The following CDKL5 variants were observed in gnomAD, a reference collection of about 807,000 sequenced individuals.
CDKL5 encodes cyclin dependent kinase like 5, also known as cyclin-dependent kinase-like 5.
Under a neutral mutation model 61.7 loss-of-function variants are expected in CDKL5, and 8 were observed. The ratio of observed to expected loss-of-function variants is 0.13; its 90% confidence interval spans 0.08 to 0.23. The LOEUF (loss-of-function observed/expected upper bound fraction) is 0.23, where lower values mean the gene tolerates loss of function less well. Among genes scored for constraint, CDKL5 ranks in the 10% least tolerant of loss-of-function variants. The pLI is 1.00. For synonymous variants in CDKL5, 275 were observed against 272.3 expected (o/e 1.01, Z -0.10); for missense variants, 440 against 734.5 (o/e 0.60, Z 4.63).
chrX:18,556,882 CAA>C (rs67362338), intron 3 of CDKL5, among the ~76,000 whole-genome samples: 2 of 44,957 alleles, frequency 4.4e-5, no homozygotes, highest in Non-Finnish European at 7.0e-5. Flanking sequence ...GACTCCGTCT[CAA>C]AAAAAAAAAA....
intron 3 of CDKL5, among the ~76,000 whole-genome samples, chrX:18,554,534 G>T (rs750466572): frequency 8.5e-5 from 9 of 105,734 alleles, no homozygotes; most frequent in African/African-American, 3.1e-4. Flanking sequence ...TTCTGCCTCA[G>T]CCTCCCAAGT....
chrX:18,604,921 C>A, intron 12 of CDKL5, 53 bp downstream of exon 12: 1 of 1,178,671 alleles, frequency 8.5e-7, no homozygotes, highest in Non-Finnish European at 1.2e-6. Context: ...GAAGGTGGTA[C>A]GAGGGATGTG....
chrX:18,544,497 G>A (rs1483074303), intron 3 of CDKL5, among the ~76,000 whole-genome samples: 1 of 111,516 alleles, frequency 9.0e-6, no homozygotes, highest in Non-Finnish European at 1.9e-5. Flanking sequence ...TATTATATCT[G>A]ATTTTCTCCG....
intron 8 of CDKL5, among the ~76,000 whole-genome samples, chrX:18,585,566 A>G (rs937256057): frequency 2.9e-4 from 32 of 111,954 alleles, no homozygotes; most frequent in Admixed American, 3.8e-4. Flanking sequence ...TTAACTTTCA[A>G]TGCTCTTTCA....
intron 4 of CDKL5, among the ~76,000 whole-genome samples, chrX:18,573,991 C>T (rs1313741329): frequency 1.8e-5 from 2 of 111,582 alleles, no homozygotes; most frequent in East Asian, 5.7e-4. Flanking sequence ...GGAATCCATT[C>T]AGCCTTTTTC....
Position 18,587,250 on chromosome X carries a change from C to T in CDKL5, c.555-704C>T, listed in dbSNP as rs185082310. On this transcript the variant is annotated intron_variant, in intron 8 of 17. Transcript: ENST00000623535. ...AGGATACCTAGATTTTCATATACAA[C>T]CTCCATTTATTAATAACAGCAACAC... Among the ~76,000 whole-genome samples, 97 of 110,742 alleles carry T rather than the reference C, an allele frequency of 8.8e-4. 1 individual carries two copies. The highest frequency in any genetic ancestry group is 2.9e-3 in the African/African-American group (89 of 30,467).
At chrX:18,596,609 TAAATC>T (rs1396632809) in intron 10 of CDKL5, among the ~76,000 whole-genome samples, 3 of 112,313 alleles carry the variant, frequency 2.7e-5, no homozygotes, top group Non-Finnish European at 5.6e-5. Context: ...AATTATCACT[TAAATC>T]AGGTAGGTTT....
At chrX:18,591,278 G>T (rs1737332513) in intron 9 of CDKL5, among the ~76,000 whole-genome samples, 1 of 111,902 alleles carries the variant, frequency 8.9e-6, no homozygotes. Context: ...TTTCTCAAGG[G>T]CAGAAATCAA....
downstream of CDKL5, chrX:18,641,889 A>C: frequency 1.3e-6 from 1 of 765,996 alleles, no homozygotes; most frequent in South Asian, 2.1e-5. Flanking sequence ...CCAGCACTGC[A>C]GTTACAATTG....
intron 14 of CDKL5, among the ~76,000 whole-genome samples, chrX:18,610,277 C>T (rs1054534344): frequency 1.8e-5 from 2 of 112,585 alleles, no homozygotes; most frequent in African/African-American, 6.5e-5. Flanking sequence ...ACAGGCTGTG[C>T]CCTCCTCTGG....
intron 3 of CDKL5, among the ~76,000 whole-genome samples, chrX:18,560,857 C>G (rs916377163): frequency 1.8e-5 from 2 of 110,011 alleles, no homozygotes; most frequent in African/African-American, 3.4e-5. Flanking sequence ...AAGGAAAAGT[C>G]CTAACAGTAT....
At position 18,579,810 on chromosome X, in the gene CDKL5, A is replaced by G. The variant is rs371642225; in HGVS notation, c.283-38A>G. Reference sequence around the variant, plus strand: ...TTGTTAATACATAATTTACGGGCCTACCTAATTTGGGAAATAATGACTCTA... The same window carrying G: ...TTGTTAATACATAATTTACGGGCCTGCCTAATTTGGGAAATAATGACTCTA... On this transcript the variant is annotated intron_variant, in intron 5 of 17. Transcript: ENST00000623535. 8 of 1,179,366 alleles carry G rather than the reference A, an allele frequency of 6.8e-6. No individual in the cohort carries two copies. In the African/African-American group the frequency reaches 1.1e-4, roughly 16 times the overall value.
chrX:18,458,720 C>CA (rs369611875), intron 1 of CDKL5, among the ~76,000 whole-genome samples: 6,011 of 99,101 alleles, frequency 0.061, 171 homozygotes, highest in South Asian at 0.11. Flanking sequence ...GACCCTGTCT[C>CA]AAAAAAAAAA....
chrX:18,430,075 A>C (rs1295146707), intron 1 of CDKL5, among the ~76,000 whole-genome samples: 1 of 112,234 alleles, frequency 8.9e-6, no homozygotes, highest in East Asian at 2.8e-4. Flanking sequence ...ACTCAGATCC[A>C]TCAGGACTGC....
At chrX:18,510,209 G>T (rs962889303) in intron 2 of CDKL5, among the ~76,000 whole-genome samples, 14 of 111,266 alleles carry the variant, frequency 1.3e-4, no homozygotes, top group Non-Finnish European at 3.8e-5. Context: ...AGGCTGGAGT[G>T]CAGTGGCGCG....
At chrX:18,586,157 T>C (rs1313214449) in intron 8 of CDKL5, among the ~76,000 whole-genome samples, 1 of 112,000 alleles carries the variant, frequency 8.9e-6, no homozygotes, top group African/African-American at 3.2e-5. Flanking sequence ...TATTATCTCT[T>C]CCATTGTGTA....
In CDKL5 at chrX:18,629,100, G is replaced by A. The variant is rs929130740; in HGVS notation, c.*343G>A. On this transcript the variant is annotated 3_prime_UTR_variant, in exon 18 of 18. Transcript: ENST00000623535. ...TCTCTGTTGAACTTGGGAATGCCAGGATGTGTCCTGGCACTGCAAGGGATA... is the reference window on the plus strand; with the variant it reads ...TCTCTGTTGAACTTGGGAATGCCAGAATGTGTCCTGGCACTGCAAGGGATA... 18 of 814,673 alleles carry A rather than the reference G, an allele frequency of 2.2e-5. No individual in the cohort carries two copies. The highest frequency in any genetic ancestry group is 2.5e-5 in the Non-Finnish European group (17 of 678,082). 67.1% of individuals were successfully genotyped at this position (814,673 alleles called of 1,213,427 possible).
At chrX:18,478,558 T>G in intron 1 of CDKL5, among the ~76,000 whole-genome samples, 1 of 109,996 alleles carries the variant, frequency 9.1e-6, no homozygotes, top group Middle Eastern at 4.3e-3. Context: ...CCCAAAGTGT[T>G]GGGAGTACAG....
chrX:18,530,481 T>C (rs902681847), intron 3 of CDKL5, among the ~76,000 whole-genome samples: 2 of 112,051 alleles, frequency 1.8e-5, no homozygotes, highest in Non-Finnish European at 3.8e-5. Flanking sequence ...GCATTCTTCA[T>C]TTTTGTTACA....
Sources: allele counts gnomAD v4.1 joint callset (sites outside exome capture counted in the v4.1 genomes callset), GRCh38; gene constraint gnomAD v4.1.1; transcripts MANE v1.5; gene names NCBI Gene and HGNC (gene_info 2026-07-23, HGNC 2026-07-21).